CCDC3: variants seen among roughly 807,000 people sequenced by gnomAD.
CCDC3 encodes the protein coiled-coil domain-containing protein 3.
CCDC3 carries 24 observed loss-of-function variants against 21.4 expected under a neutral mutation model. The ratio of observed to expected loss-of-function variants is 1.12; its 90% CI spans 0.81 to 1.58. The LOEUF is 1.58. Among genes scored for constraint, CCDC3 ranks in the 40% most tolerant of loss-of-function variants. The pLI is 0.00. For synonymous variants in CCDC3, 186 were observed against 166.0 expected, an observed-to-expected ratio of 1.12 and a Z score of -0.93; for missense variants, 425 against 360.9, an observed-to-expected ratio of 1.18 and a Z score of -1.44.
chr10:13,080,604 T>G (rs1236417946), intron 3 of CCDC3, among the ~76,000 whole-genome samples: 1 of 152,168 alleles, frequency 6.6e-6, no homozygotes, highest in East Asian at 1.9e-4. Context: ...TAAATATTGC[T>G]AAACCAAAGG....
intron 2 of CCDC3, among the ~76,000 whole-genome samples, chr10:12,947,618 C>G (rs554867544): frequency 6.6e-6 from 1 of 152,148 alleles, no homozygotes; most frequent in African/African-American, 2.4e-5. Context: ...TCCCTGTGGA[C>G]GGGAATCTAG....
At chr10:13,017,081 C>T (rs1836073999) in intron 5 of CCDC3, among the ~76,000 whole-genome samples, 1 of 152,024 alleles carries the variant, frequency 6.6e-6, no homozygotes, top group African/African-American at 2.4e-5. Context: ...TGGGAGGTAT[C>T]ATAGCACTCT....
intron 2 of CCDC3, among the ~76,000 whole-genome samples, chr10:12,947,154 T>C (rs11258075): frequency 2.0e-5 from 3 of 151,542 alleles, no homozygotes; most frequent in Middle Eastern, 3.2e-3. Context: ...TTTTTTTTTT[T>C]TTTGTTTTTT....
chr10:13,001,008 T>A (rs2131287849), intron 1 of CCDC3, among the ~76,000 whole-genome samples, 189 bp downstream of exon 1: 1 of 152,208 alleles, frequency 6.6e-6, no homozygotes, highest in East Asian at 1.9e-4. Flanking sequence ...CCAGGGGTAG[T>A]CAGGATGTCT....
At chr10:12,996,115 C>T (rs958326418) in intron 2 of CCDC3, among the ~76,000 whole-genome samples, 9 of 152,128 alleles carry the variant, frequency 5.9e-5, no homozygotes, top group East Asian at 1.9e-4. Flanking sequence ...AAGTATGACT[C>T]GGGCTTGGGA....
chr10:12,938,116 C>T (rs1405491721), intron 2 of CCDC3, among the ~76,000 whole-genome samples: 2 of 152,180 alleles, frequency 1.3e-5, no homozygotes, highest in Non-Finnish European at 2.9e-5. Context: ...ACACAGCTTC[C>T]TTGTCCCTCA....
chr10:12,901,608 G>A (rs1834093030), intron 2 of CCDC3, among the ~76,000 whole-genome samples: 1 of 152,174 alleles, frequency 6.6e-6, no homozygotes, highest in South Asian at 2.1e-4. Context: ...TACGTCTCAG[G>A]GAACCTGGCC....
chr10:12,899,584 A>G (rs1243490963), intron 2 of CCDC3, among the ~76,000 whole-genome samples: 1 of 152,216 alleles, frequency 6.6e-6, no homozygotes, highest in Non-Finnish European at 1.5e-5. Flanking sequence ...ATTATAGTAA[A>G]TCTACACAAT....
intron 2 of CCDC3, among the ~76,000 whole-genome samples, chr10:12,930,940 G>A (rs987975609): frequency 3.9e-5 from 6 of 152,166 alleles, no homozygotes; most frequent in African/African-American, 7.2e-5. Context: ...GCCGGGTGTA[G>A]TGGCTCACAC....
Position 12,988,192 on chromosome 10 carries a change from C to T in CCDC3, c.549+10146G>A, listed in dbSNP as rs141725305. Among the ~76,000 whole-genome samples, 464 of 152,256 alleles carry T rather than the reference C, an allele frequency of 3.0e-3. 3 individuals are homozygous for T. Among genetic ancestry groups the T allele is most frequent in the African/African-American group, 0.011 (445 of 41,542 alleles). ...TGCTCATTCCTATTTTTCCACCCCT[C>T]GAGAAGGCCAAGCCATTTTCACCTT... is the stretch of plus-strand genomic sequence containing the variant. On this transcript the variant is annotated intron_variant, in intron 2 of 2. Coordinates refer to ENST00000378825, the MANE Select transcript of CCDC3 (RefSeq NM_031455.4).
chr10:12,985,123 T>C (rs1049163527), intron 2 of CCDC3, among the ~76,000 whole-genome samples: 4 of 152,284 alleles, frequency 2.6e-5, no homozygotes, highest in African/African-American at 9.6e-5. Flanking sequence ...TAAATTATGG[T>C]AAAGAACAAA....
At chr10:12,981,631 A>C (rs1332691889) in intron 2 of CCDC3, among the ~76,000 whole-genome samples, 1 of 152,212 alleles carries the variant, frequency 6.6e-6, no homozygotes, top group Non-Finnish European at 1.5e-5. Context: ...TCAACCAGGC[A>C]GGGTGAGAAC....
intron 2 of CCDC3, among the ~76,000 whole-genome samples, chr10:12,937,108 C>CCTTT (rs1554755105): frequency 6.7e-6 from 1 of 148,860 alleles, no homozygotes; most frequent in Non-Finnish European, 1.5e-5. Flanking sequence ...TCCCTGTGGA[C>CCTTT]TTTTTTTTTT....
At chr10:13,029,173 C>T (rs924711727) in intron 5 of CCDC3, among the ~76,000 whole-genome samples, 1 of 152,138 alleles carries the variant, frequency 6.6e-6, no homozygotes, top group Non-Finnish European at 1.5e-5. Flanking sequence ...ACCCCAAATC[C>T]CCAGTCATAA....
At chr10:13,062,462 T>C (rs1189549145) in intron 4 of CCDC3, among the ~76,000 whole-genome samples, 1 of 152,206 alleles carries the variant, frequency 6.6e-6, no homozygotes, top group Non-Finnish European at 1.5e-5. Flanking sequence ...TGCCACACTA[T>C]TTTATATATG....
intron 4 of CCDC3, among the ~76,000 whole-genome samples, chr10:13,061,570 G>T (rs1027459116): frequency 6.6e-6 from 1 of 152,102 alleles, no homozygotes; most frequent in South Asian, 2.1e-4. Flanking sequence ...GGTGCAGCTC[G>T]GTTTTATACA....
intron 5 of CCDC3, among the ~76,000 whole-genome samples, chr10:13,034,033 A>T (rs1273598418): frequency 2.0e-5 from 3 of 152,222 alleles, no homozygotes; most frequent in Non-Finnish European, 2.9e-5. Flanking sequence ...CTATAAAGAC[A>T]CATGCACACG....
chr10:12,922,165 A>G (rs1834461420), intron 2 of CCDC3, among the ~76,000 whole-genome samples: 1 of 152,152 alleles, frequency 6.6e-6, no homozygotes, highest in Non-Finnish European at 1.5e-5. Flanking sequence ...TTCTGCCTTT[A>G]CACACTGACT....
At chr10:13,062,964 G>A (rs1448243866) in intron 4 of CCDC3, among the ~76,000 whole-genome samples, 8 of 150,184 alleles carry the variant, frequency 5.3e-5, no homozygotes, top group Non-Finnish European at 1.2e-4. Context: ...GCTGACTCAC[G>A]GCCATTTCAT....
Sources: allele counts gnomAD v4.1 joint callset (sites outside exome capture counted in the v4.1 genomes callset), GRCh38; gene constraint gnomAD v4.1.1; transcripts MANE v1.5; gene names NCBI Gene and HGNC (gene_info 2026-07-23, HGNC 2026-07-21).